Variants in HHIP observed in about 807,000 individuals in gnomAD.
HHIP encodes the protein hedgehog-interacting protein.
In HHIP, 12 loss-of-function variants were observed where a neutral mutation model predicts 74.0. The observed-to-expected ratio is 0.16, with a 90% confidence interval of 0.10 to 0.26. The LOEUF is 0.26. HHIP is among the 10% of genes least tolerant of loss of function. The probability of loss-of-function intolerance (pLI) is 1.00; values close to 1 mark genes in which losing one functional copy is unlikely to be tolerated. For synonymous variants in HHIP, 309 were observed against 311.6 expected (o/e 0.99, Z 0.09); for missense variants, 788 against 845.0 (o/e 0.93, Z 0.84).
At chr4:144,686,463 T>C (rs576503723) in intron 4 of HHIP, among the ~76,000 whole-genome samples, 1 of 152,204 alleles carries the variant, frequency 6.6e-6, no homozygotes, top group East Asian at 1.9e-4. Context: ...TAAATCAGTA[T>C]CTCTCACAAG....
chr4:144,735,586 G>T (rs748242824), intron 12 of HHIP, among the ~76,000 whole-genome samples: 1 of 152,070 alleles, frequency 6.6e-6, no homozygotes, highest in African/African-American at 2.4e-5. Context: ...GAAACCTAGA[G>T]TTTAAAATGT....
intron 4 of HHIP, among the ~76,000 whole-genome samples, chr4:144,684,080 A>C (rs1288440493): frequency 6.6e-6 from 1 of 151,382 alleles, no homozygotes; most frequent in Non-Finnish European, 1.5e-5. Context: ...AAGAAAAGAA[A>C]GAAAGAATTA....
At chr4:144,670,192 C>T (rs748400658) in intron 4 of HHIP, among the ~76,000 whole-genome samples, 4 of 148,654 alleles carry the variant, frequency 2.7e-5, no homozygotes, top group African/African-American at 5.0e-5. Flanking sequence ...CCCCCGCAGT[C>T]GCTCACGCCT....
chr4:144,668,855 A>G (rs1728952109), intron 4 of HHIP, among the ~76,000 whole-genome samples: 1 of 152,120 alleles, frequency 6.6e-6, no homozygotes, highest in African/African-American at 2.4e-5. Context: ...CACACTGACA[A>G]ATTTTTTATA....
intron 4 of HHIP, among the ~76,000 whole-genome samples, chr4:144,700,453 C>G (rs1314793777): frequency 6.6e-6 from 1 of 152,066 alleles, no homozygotes; most frequent in African/African-American, 2.4e-5. Context: ...AATGTGTTAC[C>G]TTATATGGCA....
chr4:144,715,155 G>A lies in HHIP; in HGVS notation c.1548-145G>A, dbSNP rs115976576. 6.0e-4 allele frequency: 406 copies of A among 674,482 alleles called. 3 individuals carry two copies. In the African/African-American group the frequency reaches 6.4e-3, roughly 11 times the overall value. The allele number at this position is 674,482 out of a possible 1,614,324, so 41.8% of individuals were successfully genotyped here. A position where few individuals can be genotyped will look rare whatever the true frequency, so the allele number is the denominator to read the frequency against. ...TGGGAATTTCACAGTACTCACACAC[G>A]TTATGGGCTATGTTATTTTTCCCTT... On this transcript the variant is annotated intron_variant, in intron 9 of 12. Transcript: ENST00000296575.
intron 4 of HHIP, among the ~76,000 whole-genome samples, chr4:144,692,271 T>C (rs1182634852): frequency 6.6e-6 from 1 of 152,062 alleles, no homozygotes; most frequent in African/African-American, 2.4e-5. Context: ...AAGCGAAGAT[T>C]CAAACCCAAC....
At chr4:144,685,310 G>A (rs1729456828) in intron 4 of HHIP, among the ~76,000 whole-genome samples, 1 of 152,200 alleles carries the variant, frequency 6.6e-6, no homozygotes, top group African/African-American at 2.4e-5. Flanking sequence ...TCTCTGAATA[G>A]TTGTACTAGG....
intron 4 of HHIP, among the ~76,000 whole-genome samples, chr4:144,695,630 AAAT>A (rs1578705133): frequency 6.6e-6 from 1 of 151,864 alleles, no homozygotes; most frequent in African/African-American, 2.4e-5. Context: ...TTTGTCTACT[AAAT>A]AAATTTCTTT....
chr4:144,712,785 C>T (rs1349177309), intron 8 of HHIP, among the ~76,000 whole-genome samples: 1 of 151,776 alleles, frequency 6.6e-6, no homozygotes, highest in African/African-American at 2.4e-5. Flanking sequence ...AAATTGATTG[C>T]TTTTTCTATT....
At chr4:144,718,851 T>C in intron 10 of HHIP, 24 bp from the exon 11 acceptor site, 1 of 1,474,310 alleles carries the variant, frequency 6.8e-7, no homozygotes, top group Non-Finnish European at 9.5e-7. Context: ...TAAATTTGCT[T>C]ATTGTTATTT....
chr4:144,724,833 G>A (rs914749507), intron 11 of HHIP, among the ~76,000 whole-genome samples: 1 of 151,236 alleles, frequency 6.6e-6, no homozygotes, highest in East Asian at 1.9e-4. Context: ...TTGATACTTA[G>A]AATATCATCT....
chr4:144,677,718 A>C (rs942335790), intron 4 of HHIP, among the ~76,000 whole-genome samples: 1 of 152,088 alleles, frequency 6.6e-6, no homozygotes, highest in African/African-American at 2.4e-5. Context: ...TTAATATTCA[A>C]TCCTGCCTGA....
intron 7 of HHIP, among the ~76,000 whole-genome samples, chr4:144,711,497 G>GC: frequency 6.6e-6 from 1 of 151,438 alleles, no homozygotes; most frequent in South Asian, 2.1e-4. Context: ...CCTGCACCCC[G>GC]CCCCCCAACA....
intron 4 of HHIP, among the ~76,000 whole-genome samples, chr4:144,671,015 C>T (rs1218170484): frequency 6.6e-6 from 1 of 152,104 alleles, no homozygotes; most frequent in Non-Finnish European, 1.5e-5. Context: ...AATTACTACC[C>T]TAGACTGGAC....
rs1560722300 is a variant in HHIP, at chr4:144,727,283, GCAATAATC to G, written c.1761-7457_1761-7450del. ...CTCTCTGGTGACACTTCTTATAACG[GCAATAATC>G]GCATCATGGGGGCTCTATCTTCATG... On this transcript the variant is annotated intron_variant, in intron 11 of 12. Coordinates refer to ENST00000296575, the MANE Select transcript of HHIP (RefSeq NM_022475.3). Among the ~76,000 whole-genome samples the G allele has an allele frequency of 2.0e-3, 306 of 152,180 alleles. 3 individuals are homozygous for G. The highest frequency in any genetic ancestry group is 7.1e-3 in the African/African-American group (295 of 41,526).
chr4:144,653,722 T>C lies in HHIP; in HGVS notation c.472+925T>C, dbSNP rs149465235. On this transcript the variant is annotated intron_variant, in intron 2 of 12. Coordinates refer to ENST00000296575, the MANE Select transcript of HHIP (RefSeq NM_022475.3). Reference sequence around the variant, plus strand: ...AATTTTTTTAAGTGCTATGTACATTTTACTTTTTTCTCTGACCCAGGAAAG... The same window carrying C: ...AATTTTTTTAAGTGCTATGTACATTCTACTTTTTTCTCTGACCCAGGAAAG... Among the ~76,000 whole-genome samples, 46 of 152,324 alleles carry C rather than the reference T, an allele frequency of 3.0e-4. No individual in the cohort carries two copies. In the East Asian group the frequency reaches 8.7e-3, roughly 29 times the overall value.
At chr4:144,684,530 C>G (rs566191624) in intron 4 of HHIP, among the ~76,000 whole-genome samples, 1 of 151,834 alleles carries the variant, frequency 6.6e-6, no homozygotes, top group Non-Finnish European at 1.5e-5. Context: ...CCGCCCGCCT[C>G]GGCCTCCCAA....
chr4:144,661,181 G>A (rs1353912745), intron 4 of HHIP: 4 of 151,970 alleles, frequency 2.6e-5, no homozygotes, highest in Non-Finnish European at 5.9e-5. Context: ...TACACCCTTC[G>A]TAGGGCTCTC....
Sources: gnomAD v4.1 joint callset for allele counts (sites outside exome capture counted in the v4.1 genomes callset) on GRCh38, gnomAD v4.1.1 for gene constraint, MANE v1.5 for transcripts, NCBI Gene and HGNC (gene_info 2026-07-23, HGNC 2026-07-21) for gene names.